The following CTR9 variants were observed in gnomAD, a reference collection of about 807,000 sequenced individuals.
The protein encoded by CTR9 is RNA polymerase-associated protein CTR9 homolog.
A neutral mutation model predicts 152.1 loss-of-function variants in CTR9; 41 were observed. The ratio of observed to expected loss-of-function variants is 0.27; its 90% CI spans 0.21 to 0.35. The LOEUF (loss-of-function observed/expected upper bound fraction) is 0.35. Among genes scored for constraint, CTR9 ranks in the 10% least tolerant of loss-of-function variants. The pLI, the probability that CTR9 is intolerant of heterozygous loss-of-function variation, is 1.00. For missense variants in CTR9, 917 were observed against 1,424.4 expected (o/e 0.64, Z 5.73); for synonymous variants, 476 against 496.2 (o/e 0.96, Z 0.54).
At position 10,751,367 on chromosome 11, in the gene CTR9, C is replaced by T. The variant is rs778817320; in HGVS notation, c.-46C>T. 11 of 1,607,580 alleles carry T rather than the reference C, an allele frequency of 6.8e-6. No homozygotes were observed. Among genetic ancestry groups the T allele is most frequent in the Middle Eastern group, 3.8e-4 (2 of 5,312 alleles). On this transcript the variant is annotated 5_prime_UTR_variant, in exon 1 of 25. Coordinates refer to ENST00000361367, the MANE Select transcript of CTR9 (RefSeq NM_014633.5). Reference sequence around the variant, plus strand: ...ATTAGCCTGAAGCGGAGACTACCGGCTGCGGAGCGGCGGGGCGAGACACTT... The same window carrying T: ...ATTAGCCTGAAGCGGAGACTACCGGTTGCGGAGCGGCGGGGCGAGACACTT...
rs1863284271 is a variant in CTR9 at position 10,778,848 on chromosome 11, C to G, written c.3265C>G (p.Gln1089Glu). The change falls in exon 25 of 25, where the codon CAG (glutamine) becomes GAG (glutamate). Residue 1089 changes from glutamine (Q) to glutamate (E), a missense_variant. This residue lies in a region of CTR9 where 384 missense variants were observed against 398.4 expected (regional missense o/e 0.96). Transcript: ENST00000361367. ...QRSDQDSDSD[Q>E]PSRKRRPSGS... ...GTCAGATCAGGACTCAGACAGTGAC[C>G]AGCCATCCAGAAAGAGAAGGCCCTC... 1 of 1,614,212 alleles carries G rather than the reference C, an allele frequency of 6.2e-7. No individual in the cohort carries two copies. Among genetic ancestry groups the G allele is most frequent in the Middle Eastern group, 1.6e-4 (1 of 6,062 alleles).
At chr11:10,755,305 G>A (rs186845595) in intron 3 of CTR9, 108 bp downstream of exon 3, 17 of 1,263,524 alleles carry the variant, frequency 1.3e-5, no homozygotes, top group Non-Finnish European at 1.7e-5. Flanking sequence ...CAAGTAACAT[G>A]GTTGATAGAG....
At chr11:10,751,531 G>C in intron 1 of CTR9, 74 bp downstream of exon 1, 1 of 1,453,060 alleles carries the variant, frequency 6.9e-7, no homozygotes, top group Non-Finnish European at 9.6e-7. Context: ...GCTCGACTTC[G>C]TTTCTGAAGC....
intron 19 of CTR9, among the ~76,000 whole-genome samples, chr11:10,772,110 C>G (rs892113079): frequency 6.6e-6 from 1 of 151,994 alleles, no homozygotes; most frequent in African/African-American, 2.4e-5. Flanking sequence ...AATCCTGGCA[C>G]TTTTGGAGGC....
At chr11:10,751,552 T>A in intron 1 of CTR9, 95 bp downstream of exon 1, 1 of 1,216,434 alleles carries the variant, frequency 8.2e-7, no homozygotes, top group Non-Finnish European at 1.2e-6. Flanking sequence ...GAGAGCATCC[T>A]CCTTCCCTAA....
chr11:10,754,094 A>C (rs531471775), intron 2 of CTR9, among the ~76,000 whole-genome samples: 1 of 152,326 alleles, frequency 6.6e-6, no homozygotes, highest in East Asian at 1.9e-4. Context: ...GCTAGACTCA[A>C]ACTCCTGGGC....
At chr11:10,771,171 C>A (rs187736731) in intron 18 of CTR9, among the ~76,000 whole-genome samples, 55 of 152,330 alleles carry the variant, frequency 3.6e-4, no homozygotes, top group Non-Finnish European at 6.0e-4. Context: ...AACCTGTCAT[C>A]TCTTCAGGTT....
rs528826559 is a variant in CTR9 at position 10,757,721 on chromosome 11, G to T, written c.592+883G>T. On this transcript the variant is annotated intron_variant, in intron 5 of 24. Transcript: ENST00000361367. ...CAGTGTTCTAAACCCTGAGAATGTA[G>T]CAATTAACCAAAGAGACAAAAGTTC... Among the ~76,000 whole-genome samples the T allele has an allele frequency of 3.3e-5, 5 of 152,294 alleles. No individual in the cohort carries two copies. In the South Asian group the frequency reaches 1.0e-3, roughly 32 times the overall value.
intron 24 of CTR9, among the ~76,000 whole-genome samples, chr11:10,777,297 T>C (rs1325971415): frequency 6.6e-6 from 1 of 151,892 alleles, no homozygotes; most frequent in African/African-American, 2.4e-5. Flanking sequence ...TTTGGGAGGC[T>C]GAGGCAGGAG....
Position 10,767,999 on chromosome 11 carries a change from C to T in CTR9, c.1872+8C>T. 3.7e-6 allele frequency: 6 copies of T among 1,613,736 alleles called. No homozygotes were observed. The highest frequency in any genetic ancestry group is 5.1e-6 in the Non-Finnish European group (6 of 1,179,774). On this transcript the variant is annotated splice_region_variant and intron_variant, in intron 14 of 24. Coordinates refer to ENST00000361367, the MANE Select transcript of CTR9 (RefSeq NM_014633.5). The surrounding 1 kb of genome is among the most constrained non-coding windows in gnomAD (Gnocchi z 4.0). ...ACCCGAGATCGAGAAAAGGTAATCT[C>T]TTTTTGTCCTTTTAAACAAAACTGA...
intron 24 of CTR9, among the ~76,000 whole-genome samples, chr11:10,776,118 G>A (rs760126577): frequency 4.0e-5 from 6 of 151,366 alleles, no homozygotes; most frequent in East Asian, 1.9e-4. Flanking sequence ...ACGGAGTTTC[G>A]CTCTTGTTGC....
chr11:10,758,275 A>G (rs760954045), intron 5 of CTR9, among the ~76,000 whole-genome samples: 13 of 152,108 alleles, frequency 8.5e-5, no homozygotes, highest in Non-Finnish European at 1.9e-4. Context: ...TGGGGTTGAG[A>G]CTAGAGTGGG....
chr11:10,768,053 T>C, intron 14 of CTR9, 21 bp from the exon 15 acceptor site: 2 of 1,613,908 alleles, frequency 1.2e-6, no homozygotes, highest in Non-Finnish European at 1.7e-6. Flanking sequence ...GAATCTTTTT[T>C]AAGAGCACTT....
chr11:10,766,378 A>T, intron 12 of CTR9, 24 bp from the exon 13 acceptor site: 2 of 1,558,190 alleles, frequency 1.3e-6, no homozygotes, highest in Non-Finnish European at 1.8e-6. Context: ...TTTGGGATAT[A>T]AAAACTTTTA....
intron 19 of CTR9, 34 bp downstream of exon 19, chr11:10,771,650 T>C: frequency 6.7e-7 from 1 of 1,498,276 alleles, no homozygotes; most frequent in South Asian, 1.1e-5. Flanking sequence ...TGACTTTGGG[T>C]GAGGCAGTGA....
intron 6 of CTR9, among the ~76,000 whole-genome samples, chr11:10,761,491 T>C (rs11042955): frequency 0.044 from 6,714 of 152,090 alleles, 287 homozygotes; most frequent in East Asian, 0.19. Context: ...TCACCTATAA[T>C]CCCAACACTT....
At chr11:10,776,908 G>A (rs1018839330) in intron 24 of CTR9, among the ~76,000 whole-genome samples, 2 of 140,614 alleles carry the variant, frequency 1.4e-5, no homozygotes, top group Non-Finnish European at 3.0e-5. Context: ...AGGAGGCAGA[G>A]GTTGAAGTGA....
chr11:10,751,666 CGGAGAA>C (rs1339655102), intron 1 of CTR9, among the ~76,000 whole-genome samples: 1 of 152,146 alleles, frequency 6.6e-6, no homozygotes, highest in African/African-American at 2.4e-5. Context: ...CAGGGCCACT[CGGAGAA>C]GGAGTTCTTG....
Position 10,779,150 on chromosome 11 carries a change from A to T in CTR9, c.*45A>T. 1 of 1,516,834 alleles carries T rather than the reference A, an allele frequency of 6.6e-7. No individual in the cohort carries two copies. The allele number at this position is 1,516,834 out of a possible 1,614,324, so 94.0% of individuals were successfully genotyped here. On this transcript the variant is annotated 3_prime_UTR_variant, in exon 25 of 25. Transcript: ENST00000361367. ...CTTCATCTCTGGAGGAAACTTTTTT[A>T]ATATATGAAAGCTGTGATAAAAATG... is the stretch of plus-strand genomic sequence containing the variant.
Sources: allele counts gnomAD v4.1 joint callset (sites outside exome capture counted in the v4.1 genomes callset), GRCh38; gene constraint gnomAD v4.1.1; regional missense constraint gnomAD v4.1.1; non-coding constraint Gnocchi (gnomAD v3.1); transcripts MANE v1.5; gene names NCBI Gene and HGNC (gene_info 2026-07-23, HGNC 2026-07-21).